ASPG: variants seen among roughly 807,000 people sequenced by gnomAD.
The protein encoded by ASPG is 60 kDa lysophospholipase.
Under a neutral mutation model 63.2 loss-of-function variants are expected in ASPG, and 53 were observed. The observed-to-expected ratio is 0.84, with a 90% CI of 0.67 to 1.05. ASPG has a LOEUF of 1.05. ASPG is among the 50% of genes least tolerant of loss of function. The pLI is 0.00. For missense variants in ASPG, 741 were observed against 794.4 expected, an observed-to-expected ratio of 0.93 and a Z score of 0.81; for synonymous variants, 370 against 355.0, an observed-to-expected ratio of 1.04 and a Z score of -0.48.
chr14:104,107,481 C>A, intron 12 of ASPG, 136 bp downstream of exon 12: 2 of 883,570 alleles, frequency 2.3e-6, no homozygotes, highest in Non-Finnish European at 3.1e-6. Context: ...GCTGCCCCCG[C>A]AGCCCGGGGC....
intron 1 of ASPG, among the ~76,000 whole-genome samples, chr14:104,086,134 G>A (rs1375671492): frequency 1.3e-5 from 2 of 152,206 alleles, no homozygotes; most frequent in East Asian, 3.9e-4. Flanking sequence ...CGCCCCTGAG[G>A]GCCAGCGTCC....
chr14:104,089,727 T>C (rs1356155864), intron 1 of ASPG, among the ~76,000 whole-genome samples: 1 of 151,952 alleles, frequency 6.6e-6, no homozygotes, highest in Non-Finnish European at 1.5e-5. Context: ...TCCAACACTT[T>C]GGGAGGCCAA....
intron 1 of ASPG, among the ~76,000 whole-genome samples, chr14:104,088,180 C>G (rs777487874): frequency 2.6e-5 from 4 of 152,176 alleles, no homozygotes; most frequent in South Asian, 2.1e-4. Flanking sequence ...TCTGGCCTTC[C>G]CTGGGGAGGT....
rs1274590782 is a variant in ASPG at position 104,095,511 on chromosome 14, A to G, written c.304-20A>G. 2.5e-6 allele frequency: 4 copies of G among 1,612,188 alleles called. No individual in the cohort carries two copies. The Admixed American group carries it at 6.7e-5, about 27-fold the overall frequency. ...TGCTTGCGAGGGGCTGGCCTGCCTG[A>G]GCATGCGCCCCTCCTGCAGAGGCAC... On this transcript the variant is annotated intron_variant, in intron 3 of 15. Transcript: ENST00000551177.
chr14:104,098,725 G>A, intron 5 of ASPG, 128 bp from the exon 6 acceptor site: 1 of 1,401,640 alleles, frequency 7.1e-7, no homozygotes, highest in Non-Finnish European at 9.7e-7. Flanking sequence ...TGCCTGCGGT[G>A]GGTGGGGTTA....
At chr14:104,090,905 A>G (rs2036346353) in intron 1 of ASPG, among the ~76,000 whole-genome samples, 1 of 152,108 alleles carries the variant, frequency 6.6e-6, no homozygotes, top group African/African-American at 2.4e-5. Context: ...TCATTCTGTC[A>G]CCCAGGCTGG....
chr14:104,097,600 G>A lies in ASPG; in HGVS notation c.476G>A (p.Gly159Glu). Residue 159 changes from glycine (G) to glutamate (E), a missense_variant, in exon 5 of 16, where the codon GGG becomes GAG. Physicochemically the swap from Gly to Glu is moderately conservative, Grantham distance 98. Coordinates refer to ENST00000551177, the MANE Select transcript of ASPG (RefSeq NM_001080464.3). ...AGCGACGGCCGTGAGAACCTGCTGG[G>A]GGCACTGCTCATGGCTGGCCAGTAT... ...LWSDGRENLLGALLMAGQYVI... is the reference protein window; with the variant it reads ...LWSDGRENLLEALLMAGQYVI... 6.4e-7 allele frequency: 1 copy of A among 1,565,234 alleles called. No individual in the cohort carries two copies. The highest frequency in any genetic ancestry group is 8.7e-7 in the Non-Finnish European group (1 of 1,155,698).
At chr14:104,101,599 C>T (rs114988032) in intron 6 of ASPG, among the ~76,000 whole-genome samples, 1 of 151,854 alleles carries the variant, frequency 6.6e-6, no homozygotes, top group African/African-American at 2.4e-5. Context: ...GCCCTGACCC[C>T]GGCCCACTCT....
chr14:104,111,567 A>G lies in ASPG; in HGVS notation c.1586A>G (p.Gln529Arg). Reference sequence around the variant, plus strand: ...TGGCAGGCAGGGGCTGACCTGGGGCAGCCGGGCTATGACGGGCACAGCGCC... The same window carrying G: ...TGGCAGGCAGGGGCTGACCTGGGGCGGCCGGGCTATGACGGGCACAGCGCC... Reference protein sequence around the residue: ...VWWQAGADLGQPGYDGHSALH... With the variant: ...VWWQAGADLGRPGYDGHSALH... Residue 529 changes from glutamine (Q) to arginine (R), a missense_variant, in exon 14 of 16, where the codon CAG (glutamine) becomes CGG (arginine). Physicochemically the swap from Gln to Arg is conservative, Grantham distance 43. Coordinates refer to ENST00000551177, the MANE Select transcript of ASPG (RefSeq NM_001080464.3). 1 of 1,551,758 alleles carries G rather than the reference A, an allele frequency of 6.4e-7. No individual in the cohort carries two copies. The highest frequency in any genetic ancestry group is 8.7e-7 in the Non-Finnish European group (1 of 1,147,674).
intron 1 of ASPG, among the ~76,000 whole-genome samples, chr14:104,092,424 C>G (rs1274488210): frequency 1.3e-5 from 2 of 152,170 alleles, no homozygotes; most frequent in African/African-American, 4.8e-5. Context: ...ACCACGGGCT[C>G]CAAGGCAGGA....
Position 104,110,078 on chromosome 14 carries a change from C to T in ASPG, c.1520+763C>T. 1.0e-6 allele frequency: 1 copy of T among 985,352 alleles called. No homozygotes were observed. Among genetic ancestry groups the T allele is most frequent in the Non-Finnish European group, 1.2e-6 (1 of 829,886 alleles). 61.0% of individuals were successfully genotyped at this position (985,352 alleles called of 1,614,324 possible). A position where few individuals can be genotyped will look rare whatever the true frequency, so the allele number is the denominator to read the frequency against. On this transcript the variant is annotated intron_variant, in intron 13 of 15. Coordinates refer to ENST00000551177, the MANE Select transcript of ASPG (RefSeq NM_001080464.3). This position sits in a 1 kb window ranked among gnomAD's most constrained non-coding sequence, Gnocchi z 4.7. ...GGTGACTTGGCGCTGCCTCCTGTGC[C>T]CAGCCTGGGCTGCCCGAGGCCAGGA...
At position 104,110,915 on chromosome 14, in the gene ASPG, G is replaced by A. The variant is rs1257369424; in HGVS notation, c.1521-587G>A. On this transcript the variant is annotated intron_variant, in intron 13 of 15. Coordinates refer to ENST00000551177, the MANE Select transcript of ASPG (RefSeq NM_001080464.3). The surrounding 1 kb of genome is among the most constrained non-coding windows in gnomAD (Gnocchi z 4.7). ...GGTGCTCCCCACTCCAGGGCAGGTG[G>A]GCCCAGACCCCTGTCCCAGCCAGGA... 4 of 985,272 alleles carry A rather than the reference G, an allele frequency of 4.1e-6. No individual in the cohort carries two copies. The highest frequency in any genetic ancestry group is 4.8e-6 in the Non-Finnish European group (4 of 829,914). The allele number at this position is 985,272 out of a possible 1,614,324, so 61.0% of individuals were successfully genotyped here.
rs1170405743 is a variant in ASPG at position 104,095,651 on chromosome 14, GCCCAGGTAAT to G, written c.429+2_429+11del. On this transcript the variant is annotated splice_donor_variant and splice_donor_5th_base_variant and coding_sequence_variant and intron_variant, in exon 4 of 16. Transcript: ENST00000551177. LOFTEE classifies it high-confidence loss of function. ...GCAGAAGACTGTCATCCTCACTGGG[GCCCAGGTAAT>G]CCCAGGGGCCCGGGGCTCCTAGGAA... 1 of 1,612,470 alleles carries G rather than the reference GCCCAGGTAAT, an allele frequency of 6.2e-7. No homozygotes were observed. Among genetic ancestry groups the G allele is most frequent in the Non-Finnish European group, 8.5e-7 (1 of 1,179,738 alleles).
intron 2 of ASPG, 56 bp downstream of exon 2, chr14:104,092,797 T>C: frequency 6.9e-7 from 1 of 1,447,462 alleles, no homozygotes; most frequent in Non-Finnish European, 9.4e-7. Flanking sequence ...GGGGCACCGA[T>C]CCTGAGGCTG....
chr14:104,103,317 G>A (rs750763244), intron 6 of ASPG, among the ~76,000 whole-genome samples: 10 of 152,250 alleles, frequency 6.6e-5, no homozygotes, highest in Non-Finnish European at 5.9e-5. Flanking sequence ...TCGGTCTCTC[G>A]CTGGCCAACG....
At chr14:104,100,817 A>G (rs1246575141) in intron 6 of ASPG, among the ~76,000 whole-genome samples, 2 of 152,038 alleles carry the variant, frequency 1.3e-5, no homozygotes, top group African/African-American at 4.8e-5. Flanking sequence ...GGATGCTGGC[A>G]CTCGGCCCCT....
Position 104,104,460 on chromosome 14 carries a change from GTGA to G in ASPG, c.911_913del (p.Val304_Thr305delinsAla). 2 of 1,612,506 alleles carry G rather than the reference GTGA, an allele frequency of 1.2e-6. No individual in the cohort carries two copies. The highest frequency in any genetic ancestry group is 1.7e-6 in the Non-Finnish European group (2 of 1,179,772). On this transcript the variant is annotated inframe_deletion, in exon 8 of 16. Coordinates refer to ENST00000551177, the MANE Select transcript of ASPG (RefSeq NM_001080464.3). ...CTGTACCCACTGCCTCCAGGGGGCT[GTGA>G]CCACAGACTATGCAGCTGGCATGGT...
chr14:104,105,230 C>G, intron 9 of ASPG, 98 bp from the exon 10 acceptor site: 1 of 1,587,938 alleles, frequency 6.3e-7, no homozygotes, highest in Middle Eastern at 1.7e-4. Flanking sequence ...AGGCCAAGGG[C>G]AACCCCTGAC....
Position 104,112,804 on chromosome 14 carries a change from C to T in ASPG, c.*260C>T, listed in dbSNP as rs535233631. 217 of 690,598 alleles carry T rather than the reference C, an allele frequency of 3.1e-4. No homozygotes were observed. Among genetic ancestry groups the T allele is most frequent in the African/African-American group, 2.9e-3 (160 of 55,188 alleles). The allele number at this position is 690,598 out of a possible 1,614,324, so 42.8% of individuals were successfully genotyped here. Reference sequence around the variant, plus strand: ...AGGCCCAGGCTCTGTGGGGTCTCTGCGGGGGTCACTTGGCCCATCCTTCCG... The same window carrying T: ...AGGCCCAGGCTCTGTGGGGTCTCTGTGGGGGTCACTTGGCCCATCCTTCCG... On this transcript the variant is annotated 3_prime_UTR_variant, in exon 16 of 16. Transcript: ENST00000551177.
Sources: allele counts gnomAD v4.1 joint callset (sites outside exome capture counted in the v4.1 genomes callset), GRCh38; gene constraint gnomAD v4.1.1; non-coding constraint Gnocchi (gnomAD v3.1); transcripts MANE v1.5; gene names NCBI Gene and HGNC (gene_info 2026-07-23, HGNC 2026-07-21).